Variants in F11 observed in about 807,000 individuals in gnomAD.
The protein encoded by F11 is coagulation factor XI.
Under a neutral mutation model 76.5 loss-of-function variants are expected in F11, and 78 were observed. The ratio of observed to expected loss-of-function variants is 1.02; its 90% confidence interval spans 0.85 to 1.23. The LOEUF (loss-of-function observed/expected upper bound fraction) is 1.23, where lower values mean the gene tolerates loss of function less well. F11 is among the 50% of genes most tolerant of loss of function. F11 has a pLI of 0.00. For synonymous variants in F11, 278 were observed against 276.3 expected, an observed-to-expected ratio of 1.01 and a Z score of -0.06; for missense variants, 742 against 771.4, an observed-to-expected ratio of 0.96 and a Z score of 0.45.
chr4:186,283,054 A>T, intron 10 of F11: 4 of 985,118 alleles, frequency 4.1e-6, no homozygotes, highest in Non-Finnish European at 4.8e-6. Flanking sequence ...GAGCCTGGTT[A>T]TTCTAAATGT....
chr4:186,277,252 G>T (rs1580083045), intron 7 of F11, among the ~76,000 whole-genome samples: 1 of 152,058 alleles, frequency 6.6e-6, no homozygotes, highest in South Asian at 2.1e-4. Flanking sequence ...TTTTTTTATG[G>T]CTAAGTAACA....
intron 10 of F11, chr4:186,282,383 T>G (rs1740870180): frequency 2.0e-6 from 2 of 985,320 alleles, no homozygotes; most frequent in African/African-American, 1.7e-5. Context: ...AGGTTTTTAC[T>G]GCGCTGTATT....
At chr4:186,274,778 C>T (rs1237315647) in intron 5 of F11, 1 of 185,152 alleles carries the variant, frequency 5.4e-6, no homozygotes, top group Non-Finnish European at 1.1e-5. Context: ...TCTCTAATAA[C>T]CAAATCTGTG....
intron 13 of F11, chr4:186,286,792 C>A: frequency 1.2e-6 from 1 of 833,702 alleles, no homozygotes; most frequent in Non-Finnish European, 1.4e-6. Flanking sequence ...AGCCTGCTAT[C>A]CAATTACTTT....
chr4:186,280,162 C>A, intron 8 of F11, 41 bp downstream of exon 8: 1 of 1,613,784 alleles, frequency 6.2e-7, no homozygotes, highest in Non-Finnish European at 8.5e-7. Context: ...AGTGACCAGC[C>A]CCGAGGAGGC....
intron 5 of F11, chr4:186,275,240 C>T: frequency 2.2e-6 from 1 of 454,218 alleles, no homozygotes. Flanking sequence ...CCTGTAATCC[C>T]AGCACTTTGG....
intron 7 of F11, 135 bp from the exon 8 acceptor site, chr4:186,279,877 G>A (rs1740659293): frequency 6.7e-6 from 5 of 740,976 alleles, no homozygotes; most frequent in Non-Finnish European, 1.2e-5. Flanking sequence ...CGTGGTTTAT[G>A]AAGAGTACTT....
Position 186,288,114 on chromosome 4 carries a change from A to G in F11, c.1716+291A>G, listed in dbSNP as rs1351749327. Among the ~76,000 whole-genome samples the G allele has an allele frequency of 4.0e-5, 6 of 151,296 alleles. No homozygotes were observed. In the East Asian group the frequency reaches 1.2e-3, roughly 29 times the overall value. On this transcript the variant is annotated intron_variant, in intron 14 of 14. Coordinates refer to ENST00000403665, the MANE Select transcript of F11 (RefSeq NM_000128.4). Reference sequence around the variant, plus strand: ...GTTTTAGTAGAGACGGGGTTTCACCATGTTGGCCAGGATGGTCTCGATCTC... The same window carrying G: ...GTTTTAGTAGAGACGGGGTTTCACCGTGTTGGCCAGGATGGTCTCGATCTC...
At chr4:186,283,179 AG>A (rs1740921310) in intron 10 of F11, 1 of 367,554 alleles carries the variant, frequency 2.7e-6, no homozygotes, top group Non-Finnish European at 3.8e-6. Context: ...GGCAACCCAC[AG>A]GCACATAAAT....
intron 4 of F11, 54 bp downstream of exon 4, chr4:186,273,231 C>A: frequency 7.5e-7 from 1 of 1,334,842 alleles, no homozygotes; most frequent in Non-Finnish European, 1.1e-6. Context: ...CACATATCGC[C>A]ACATCGGATG....
chr4:186,287,886 T>A, intron 14 of F11, 63 bp downstream of exon 14: 1 of 1,569,964 alleles, frequency 6.4e-7, no homozygotes, highest in Non-Finnish European at 8.7e-7. Flanking sequence ...CGTTGGGGTT[T>A]TTTTGTTTGT....
chr4:186,267,297 A>G, intron 2 of F11, 106 bp downstream of exon 2: 1 of 847,836 alleles, frequency 1.2e-6, no homozygotes, highest in South Asian at 1.4e-5. Context: ...AGGAAATAAA[A>G]TGTTTTTATT....
At chr4:186,271,940 T>C (rs534093603) in intron 3 of F11, among the ~76,000 whole-genome samples, 169 bp downstream of exon 3, 45 of 152,342 alleles carry the variant, frequency 3.0e-4, no homozygotes, top group African/African-American at 1.1e-3. Context: ...TTACGCAATT[T>C]AGAAAAGAAT....
chr4:186,276,473 A>G, intron 7 of F11, 83 bp downstream of exon 7: 1 of 1,503,620 alleles, frequency 6.7e-7, no homozygotes, highest in South Asian at 1.1e-5. Flanking sequence ...CCAAGTAACT[A>G]AAAATTTACT....
chr4:186,284,558 T>A (rs4253424), intron 11 of F11, among the ~76,000 whole-genome samples: 3,442 of 152,256 alleles, frequency 0.023, 68 homozygotes, highest in Middle Eastern at 0.075. Flanking sequence ...TGTGCCTCGC[T>A]CTGTGCACTG....
At chr4:186,282,833 C>T (rs1214856099) in intron 10 of F11, 1 of 985,326 alleles carries the variant, frequency 1.0e-6, no homozygotes, top group Non-Finnish European at 1.2e-6. Context: ...CTGTTTCCTT[C>T]CGAACTCCTT....
intron 10 of F11, chr4:186,282,900 A>G: frequency 1.0e-6 from 1 of 985,254 alleles, no homozygotes. Context: ...TCATTTTCCT[A>G]CCAAGGAAAA....
Position 186,273,089 on chromosome 4 carries a change from A to G in F11, c.237A>G (p.Lys79=). The change falls in exon 4 of 15, where the codon AAA becomes AAG. Residue 79 remains lysine, a synonymous_variant. Transcript: ENST00000403665. ...AAAACAGGTTTACTTGTGTCCTGAA[A>G]GACAGTGTTACAGAAACACTGCCAA... ...DPTRWFTCVL[K]DSVTETLPRV... 6.2e-7 allele frequency: 1 copy of G among 1,612,328 alleles called. No homozygotes were observed. The highest frequency in any genetic ancestry group is 1.1e-5 in the South Asian group (1 of 91,048).
At chr4:186,282,835 G>T in intron 10 of F11, 4 of 985,008 alleles carry the variant, frequency 4.1e-6, no homozygotes, top group Non-Finnish European at 4.8e-6. Flanking sequence ...GTTTCCTTCC[G>T]AACTCCTTCT....
Sources: gnomAD v4.1 joint callset for allele counts (sites outside exome capture counted in the v4.1 genomes callset) on GRCh38, gnomAD v4.1.1 for gene constraint, MANE v1.5 for transcripts, NCBI Gene and HGNC (gene_info 2026-07-23, HGNC 2026-07-21) for gene names.